KCNAB1: variants seen among roughly 807,000 people sequenced by gnomAD.
The protein encoded by KCNAB1 is voltage-gated potassium channel subunit beta-1.
A neutral mutation model predicts 64.6 loss-of-function variants in KCNAB1; 35 were observed. The observed-to-expected ratio is 0.54, with a 90% CI of 0.41 to 0.72. The LOEUF (loss-of-function observed/expected upper bound fraction) is 0.72, where lower values mean the gene tolerates loss of function less well. KCNAB1 is among the 30% of genes least tolerant of loss of function. The pLI is 0.00. For missense variants in KCNAB1, 401 were observed against 512.9 expected (o/e 0.78, Z 2.11); for synonymous variants, 177 against 183.8 (o/e 0.96, Z 0.30).
chr3:156,269,287 T>C (rs763559452), intron 1 of KCNAB1, among the ~76,000 whole-genome samples: 6 of 152,346 alleles, frequency 3.9e-5, no homozygotes, highest in East Asian at 1.9e-4. Flanking sequence ...TCCATGTGTT[T>C]GTATAGTTTC....
At chr3:156,291,992 G>T in intron 1 of KCNAB1, 2 of 1,614,084 alleles carry the variant, frequency 1.2e-6, no homozygotes, top group South Asian at 1.1e-5. Flanking sequence ...GAGCTCCACC[G>T]CCCCCAATGT....
chr3:156,487,768 G>A (rs371506445), intron 8 of KCNAB1, among the ~76,000 whole-genome samples: 31 of 151,986 alleles, frequency 2.0e-4, no homozygotes, highest in African/African-American at 7.5e-4. Context: ...GAAACTAGAA[G>A]CAAGTTTGGT....
intron 1 of KCNAB1, among the ~76,000 whole-genome samples, chr3:156,303,001 C>T (rs1478181230): frequency 2.0e-5 from 3 of 152,176 alleles, no homozygotes; most frequent in Non-Finnish European, 4.4e-5. Context: ...AGACCTTAAC[C>T]CTTCCATAAA....
intron 1 of KCNAB1, among the ~76,000 whole-genome samples, chr3:156,199,059 T>A (rs1476092279): frequency 6.6e-6 from 1 of 151,926 alleles, no homozygotes; most frequent in Non-Finnish European, 1.5e-5. Context: ...AAGGATTTTA[T>A]TTCTCCTTCA....
intron 1 of KCNAB1, among the ~76,000 whole-genome samples, chr3:156,235,057 G>A (rs1168975222): frequency 6.6e-6 from 1 of 152,126 alleles, no homozygotes; most frequent in East Asian, 1.9e-4. Flanking sequence ...GGGCTCCCTC[G>A]CTAGCTAAGT....
intron 8 of KCNAB1, among the ~76,000 whole-genome samples, chr3:156,479,463 G>A (rs1342873626): frequency 6.6e-6 from 1 of 151,950 alleles, no homozygotes; most frequent in Admixed American, 6.6e-5. Flanking sequence ...CCAAACACCA[G>A]GCTAATATCT....
chr3:156,357,640 T>G (rs1725346356), intron 1 of KCNAB1, among the ~76,000 whole-genome samples: 1 of 152,086 alleles, frequency 6.6e-6, no homozygotes, highest in African/African-American at 2.4e-5. Flanking sequence ...GTAGCTGTAT[T>G]TAAAAAGTCA....
At chr3:156,539,060 T>G (rs1393511403), downstream of KCNAB1, 1 of 152,166 alleles carries the variant, frequency 6.6e-6, no homozygotes, top group Non-Finnish European at 1.5e-5. Flanking sequence ...AAGAAAAAAT[T>G]CCACGCACTC....
intron 1 of KCNAB1, among the ~76,000 whole-genome samples, chr3:156,187,008 C>G (rs1276562098): frequency 2.0e-5 from 3 of 152,130 alleles, no homozygotes; most frequent in African/African-American, 7.2e-5. Flanking sequence ...TGCACCACCA[C>G]ACCTGGCTAA....
intron 7 of KCNAB1, among the ~76,000 whole-genome samples, chr3:156,471,879 C>A (rs1372618359): frequency 3.3e-5 from 5 of 152,148 alleles, no homozygotes; most frequent in Admixed American, 6.5e-5. Context: ...ACATGAAAGA[C>A]CAAAGCAGGA....
intron 1 of KCNAB1, among the ~76,000 whole-genome samples, chr3:156,181,088 G>A (rs1306216471): frequency 6.6e-6 from 1 of 152,090 alleles, no homozygotes; most frequent in Non-Finnish European, 1.5e-5. Flanking sequence ...TTTCTTCAAA[G>A]GACACCAGCT....
At chr3:156,140,674 GA>G (rs1442431769) in intron 1 of KCNAB1, among the ~76,000 whole-genome samples, 1 of 152,106 alleles carries the variant, frequency 6.6e-6, no homozygotes, top group African/African-American at 2.4e-5. Flanking sequence ...CATTTAGGTA[GA>G]AAAAGCAACT....
At position 156,220,544 on chromosome 3, in the gene KCNAB1, T is replaced by C. The variant is rs184210943; in HGVS notation, c.275+99658T>C. Reference sequence around the variant, plus strand: ...TTGAGAAGTGTCTGTTCATATCCTTTGCCCACTTTTTGATGGAGTTTTGAT... The same window carrying C: ...TTGAGAAGTGTCTGTTCATATCCTTCGCCCACTTTTTGATGGAGTTTTGAT... On this transcript the variant is annotated intron_variant, in intron 1 of 13. Transcript: ENST00000490337. Among the ~76,000 whole-genome samples, 556 of 152,296 alleles carry C rather than the reference T, an allele frequency of 3.7e-3. 6 individuals carry two copies. The highest frequency in any genetic ancestry group is 0.016 in the South Asian group (76 of 4,808).
intron 1 of KCNAB1, among the ~76,000 whole-genome samples, chr3:156,315,648 C>A (rs1722224189): frequency 6.6e-6 from 1 of 151,922 alleles, no homozygotes; most frequent in Non-Finnish European, 1.5e-5. Flanking sequence ...TGTATCTCAA[C>A]TATAGCATAA....
chr3:156,407,835 C>A (rs1455880582), intron 1 of KCNAB1, among the ~76,000 whole-genome samples: 1 of 152,232 alleles, frequency 6.6e-6, no homozygotes, highest in Non-Finnish European at 1.5e-5. Context: ...CAAATAACTT[C>A]ATTTTCTCCT....
chr3:156,327,604 T>A (rs1453884756), intron 1 of KCNAB1, among the ~76,000 whole-genome samples: 2 of 152,132 alleles, frequency 1.3e-5, no homozygotes, highest in Admixed American at 1.3e-4. Flanking sequence ...CATGGCCCTA[T>A]CATCAAGCAA....
At chr3:156,223,655 G>A (rs1477049226) in intron 1 of KCNAB1, among the ~76,000 whole-genome samples, 2 of 152,148 alleles carry the variant, frequency 1.3e-5, no homozygotes, top group African/African-American at 4.8e-5. Flanking sequence ...GGTTCTCCAA[G>A]TTCCCACCAG....
At chr3:156,133,518 A>T (rs1288898414) in intron 1 of KCNAB1, among the ~76,000 whole-genome samples, 1 of 152,246 alleles carries the variant, frequency 6.6e-6, no homozygotes, top group Admixed American at 6.5e-5. Flanking sequence ...CAAACTAGAA[A>T]ATTAAACAGA....
intron 1 of KCNAB1, among the ~76,000 whole-genome samples, chr3:156,392,398 CAGT>C (rs1713110996): frequency 1.3e-5 from 2 of 152,168 alleles, no homozygotes; most frequent in Non-Finnish European, 2.9e-5. Flanking sequence ...CAAACTGACT[CAGT>C]AGTCTCTCAT....
Sources: allele counts gnomAD v4.1 joint callset (sites outside exome capture counted in the v4.1 genomes callset), GRCh38; gene constraint gnomAD v4.1.1; transcripts MANE v1.5; gene names NCBI Gene and HGNC (gene_info 2026-07-23, HGNC 2026-07-21).